BRD4: variants seen among roughly 807,000 people sequenced by gnomAD.
BRD4 encodes bromodomain-containing protein 4.
BRD4 carries 16 observed loss-of-function variants against 142.1 expected under a neutral mutation model. The observed-to-expected ratio is 0.11, with a 90% CI of 0.08 to 0.17. The LOEUF is 0.17. Ranked by LOEUF, BRD4 falls within the 10% of genes least tolerant of loss-of-function variation. The pLI is 1.00. For synonymous variants in BRD4, 833 were observed against 707.5 expected (o/e 1.18, Z -2.82); for missense variants, 1,424 against 1,810.9 (o/e 0.79, Z 3.88).
intron 1 of BRD4, among the ~76,000 whole-genome samples, chr19:15,322,697 C>CAAAAAAAAAAA (rs78397797): frequency 1.1e-5 from 1 of 92,298 alleles, no homozygotes; most frequent in African/African-American, 4.2e-5. Flanking sequence ...CTAAAAAATA[C>CAAAAAAAAAAA]AAAAAAAAAA....
chr19:15,236,912 A>G lies in BRD4; in HGVS notation c.*1465T>C, dbSNP rs1210708395. The G allele has an allele frequency of 4.9e-6, 1 of 204,828 alleles. No individual in the cohort carries two copies. Among genetic ancestry groups the G allele is most frequent in the East Asian group, 7.3e-5 (1 of 13,706 alleles). The allele number at this position is 204,828 out of a possible 1,614,324, so 12.7% of individuals were successfully genotyped here. On this transcript the variant is annotated 3_prime_UTR_variant, in exon 20 of 20. Coordinates refer to ENST00000679869, the MANE Select transcript of BRD4 (RefSeq NM_001379291.1). Reference sequence around the variant, plus strand: ...ATATTCACCGTATGAAAGTCAAACCAGTCAGTGACTCCAGAGTTTGGCCAA... The same window carrying G: ...ATATTCACCGTATGAAAGTCAAACCGGTCAGTGACTCCAGAGTTTGGCCAA...
chr19:15,242,887 G>A lies in BRD4; in HGVS notation c.3169+13C>T, dbSNP rs557689137. ...ACCAGCCTCCCCAGAGTCTACGGGTGAGGACCACTTACCGGTTGAGTAGGG... is the reference window on the plus strand; with the variant it reads ...ACCAGCCTCCCCAGAGTCTACGGGTAAGGACCACTTACCGGTTGAGTAGGG... On this transcript the variant is annotated intron_variant, in intron 14 of 19. Coordinates refer to ENST00000679869, the MANE Select transcript of BRD4 (RefSeq NM_001379291.1). 14 of 1,600,554 alleles carry A rather than the reference G, an allele frequency of 8.7e-6. No homozygotes were observed. In the South Asian group the frequency reaches 1.2e-4, roughly 14 times the overall value.
rs2047404202 is a variant in BRD4, at chr19:15,255,985, A to AG, written c.1751+78dup. On this transcript the variant is annotated intron_variant, in intron 9 of 19. Transcript: ENST00000679869. The stretch of plus-strand genomic sequence containing the variant: ...GCCTCCGCACCCAATGAGGACAGGG[A>AG]GGGGCAGTGGCCCACACAGTCTCAG... The AG allele has an allele frequency of 3.8e-6, 6 of 1,562,536 alleles. No individual in the cohort carries two copies. The African/African-American group carries it at 8.2e-5, about 21-fold the overall frequency.
intron 1 of BRD4, among the ~76,000 whole-genome samples, chr19:15,292,798 AAAAAAAAAAAAAAAAAAG>A (rs2047793414): frequency 7.2e-6 from 1 of 138,888 alleles, no homozygotes; most frequent in Non-Finnish European, 1.5e-5. Flanking sequence ...AAAAAAAAAA[AAAAAAAAAAAAAAAAAAG>A]AAAGAAAGAA....
chr19:15,266,134 T>C (rs2047532183), intron 4 of BRD4, among the ~76,000 whole-genome samples: 1 of 152,218 alleles, frequency 6.6e-6, no homozygotes, highest in Non-Finnish European at 1.5e-5. Context: ...CTGCCCTTCA[T>C]GACTGGCTCG....
chr19:15,253,756 G>T, intron 11 of BRD4: 1 of 1,598,348 alleles, frequency 6.3e-7, no homozygotes, highest in Non-Finnish European at 8.5e-7. Flanking sequence ...AGGCCCTGGG[G>T]ACACGAAGTC....
chr19:15,327,500 T>C (rs2048118539), intron 1 of BRD4, among the ~76,000 whole-genome samples: 1 of 151,668 alleles, frequency 6.6e-6, no homozygotes, highest in Admixed American at 6.6e-5. Context: ...GCTGAGATCG[T>C]GCCACTGCAC....
Position 15,256,104 on chromosome 19 carries a change from TAGG to T in BRD4, c.1708_1710del (p.Pro570del), listed in dbSNP as rs2145572929. ...CTGCTATTATTTTTCTTCGTCTTTT[TAGG>T]AGGAGGTTCCTTGGCTTTGCTTTTT... On this transcript the variant is annotated inframe_deletion, in exon 9 of 20. Coordinates refer to ENST00000679869, the MANE Select transcript of BRD4 (RefSeq NM_001379291.1). 3.7e-6 allele frequency: 6 copies of T among 1,611,906 alleles called. No individual in the cohort carries two copies. Among genetic ancestry groups the T allele is most frequent in the Non-Finnish European group, 5.1e-6 (6 of 1,179,862 alleles).
intron 11 of BRD4, 52 bp from the exon 12 acceptor site, chr19:15,244,814 C>T (rs1309284575): frequency 6.2e-7 from 1 of 1,613,084 alleles, no homozygotes; most frequent in Middle Eastern, 1.7e-4. Flanking sequence ...GGTGAGTGAG[C>T]TGGCCTTGGA....
At chr19:15,303,679 T>C (rs2047890421) in intron 1 of BRD4, among the ~76,000 whole-genome samples, 1 of 152,230 alleles carries the variant, frequency 6.6e-6, no homozygotes. Context: ...CAGAGTTACT[T>C]ACAAACAATA....
chr19:15,283,342 C>T lies in BRD4; in HGVS notation c.-34-10209G>A, dbSNP rs368453320. Reference sequence around the variant, plus strand: ...CCTGGTGTCAATCAGAAAATTTCTCCGGATGACATCACACCGGTCTTCTGA... The same window carrying T: ...CCTGGTGTCAATCAGAAAATTTCTCTGGATGACATCACACCGGTCTTCTGA... On this transcript the variant is annotated intron_variant, in intron 1 of 19. Coordinates refer to ENST00000679869, the MANE Select transcript of BRD4 (RefSeq NM_001379291.1). Among the ~76,000 whole-genome samples, 7 of 152,154 alleles carry T rather than the reference C, an allele frequency of 4.6e-5. No homozygotes were observed. In the East Asian group the frequency reaches 5.8e-4, roughly 13 times the overall value.
At chr19:15,243,563 C>T (rs1259765344) in intron 13 of BRD4, 76 bp from the exon 14 acceptor site, 2 of 1,458,280 alleles carry the variant, frequency 1.4e-6, no homozygotes, top group Admixed American at 2.8e-5. Context: ...TCCATCCTGA[C>T]CTCATCTGGA....
chr19:15,288,429 A>G lies in BRD4; in HGVS notation c.-34-15296T>C, dbSNP rs566470647. ...ATAATAAATAAAAATAAATAGAAGA[A>G]GAGGAGTGAAACACAGGATCCAGTT... is the stretch of plus-strand genomic sequence containing the variant. On this transcript the variant is annotated intron_variant, in intron 1 of 19. Coordinates refer to ENST00000679869, the MANE Select transcript of BRD4 (RefSeq NM_001379291.1). 5.3e-5 allele frequency among the ~76,000 whole-genome samples: 8 copies of G among 152,346 alleles called. No homozygotes were observed. The South Asian group carries it at 6.2e-4, about 12-fold the overall frequency.
At chr19:15,320,737 G>GT (rs748140524) in intron 1 of BRD4, among the ~76,000 whole-genome samples, 3 of 152,130 alleles carry the variant, frequency 2.0e-5, no homozygotes, top group Non-Finnish European at 4.4e-5. Flanking sequence ...CCTGACACAG[G>GT]TAAGATACAC....
chr19:15,326,358 T>C (rs2048108270), intron 1 of BRD4, among the ~76,000 whole-genome samples: 1 of 151,876 alleles, frequency 6.6e-6, no homozygotes, highest in African/African-American at 2.4e-5. Context: ...TCCCAGCTAC[T>C]TGGGAGGCTG....
chr19:15,319,620 T>G (rs1599526829), intron 1 of BRD4, among the ~76,000 whole-genome samples: 1 of 148,504 alleles, frequency 6.7e-6, no homozygotes, highest in Non-Finnish European at 1.5e-5. Context: ...TCTTAAAAAA[T>G]AAAAATAAAA....
chr19:15,317,773 G>A (rs916823406), intron 1 of BRD4, among the ~76,000 whole-genome samples: 3 of 152,186 alleles, frequency 2.0e-5, no homozygotes, highest in Non-Finnish European at 2.9e-5. Context: ...AGCATGCTAC[G>A]CAACTCAAAA....
At chr19:15,287,591 C>T (rs1307580317) in intron 1 of BRD4, among the ~76,000 whole-genome samples, 3 of 151,890 alleles carry the variant, frequency 2.0e-5, no homozygotes, top group African/African-American at 7.3e-5. Flanking sequence ...ACCCATATAT[C>T]CACTAAACAC....
In BRD4 at chr19:15,307,178, A is replaced by T. The variant is rs200120789; in HGVS notation, c.-35+25112T>A. ...CTCAAGTTGAGTGACACAAATCAGA[A>T]TCACTCAAAATTGAAAGGCTAACCA... On this transcript the variant is annotated intron_variant, in intron 1 of 19. Coordinates refer to ENST00000679869, the MANE Select transcript of BRD4 (RefSeq NM_001379291.1). 3.3e-5 allele frequency among the ~76,000 whole-genome samples: 5 copies of T among 152,312 alleles called. No homozygotes were observed. The East Asian group carries it at 9.6e-4, about 29-fold the overall frequency.
Sources: gnomAD v4.1 joint callset for allele counts (sites outside exome capture counted in the v4.1 genomes callset) on GRCh38, gnomAD v4.1.1 for gene constraint, MANE v1.5 for transcripts, NCBI Gene and HGNC (gene_info 2026-07-23, HGNC 2026-07-21) for gene names.